The following SUGCT variants were observed in gnomAD, a reference collection of about 807,000 sequenced individuals.
The protein encoded by SUGCT is succinyl-CoA:glutarate CoA-transferase.
Under a neutral mutation model 55.0 loss-of-function variants are expected in SUGCT, and 41 were observed. The ratio of observed to expected loss-of-function variants is 0.74; its 90% CI spans 0.58 to 0.97. SUGCT has a LOEUF of 0.97. Among genes scored for constraint, SUGCT ranks in the 50% least tolerant of loss-of-function variants. The probability of loss-of-function intolerance (pLI) is 0.00; values close to 1 mark genes in which losing one functional copy is unlikely to be tolerated. For missense variants in SUGCT, 568 were observed against 547.8 expected (o/e 1.04, Z -0.37); for synonymous variants, 187 against 200.4 (o/e 0.93, Z 0.56).
chr7:40,774,792 A>AC (rs61094462), intron 13 of SUGCT, among the ~76,000 whole-genome samples: 1 of 146,342 alleles, frequency 6.8e-6, no homozygotes, highest in African/African-American at 2.5e-5. Flanking sequence ...AAAAAAAAAA[A>AC]CCCACAAATT....
intron 12 of SUGCT, among the ~76,000 whole-genome samples, chr7:40,747,786 T>C (rs1037254996): frequency 2.6e-5 from 4 of 152,098 alleles, no homozygotes; most frequent in Non-Finnish European, 4.4e-5. Context: ...CTCCAATTGT[T>C]TTTTTTTAAA....
chr7:40,845,967 G>C (rs934619250), intron 13 of SUGCT, among the ~76,000 whole-genome samples: 2 of 152,146 alleles, frequency 1.3e-5, no homozygotes, highest in Non-Finnish European at 2.9e-5. Flanking sequence ...CTCATTTGAG[G>C]TAAGAGCCAC....
chr7:40,872,354 G>A, the SUGCT span, among the ~76,000 whole-genome samples: 1 of 152,118 alleles, frequency 6.6e-6, no homozygotes, highest in Non-Finnish European at 1.5e-5. Flanking sequence ...CTGACTTCTT[G>A]TGAAATTCTT....
chr7:40,371,394 T>A (rs1300984981), intron 9 of SUGCT, among the ~76,000 whole-genome samples: 1 of 152,122 alleles, frequency 6.6e-6, no homozygotes, highest in Non-Finnish European at 1.5e-5. Context: ...TGGTGTCAGG[T>A]GAGGGAAGAG....
At chr7:40,214,421 G>A (rs1787508965) in intron 6 of SUGCT, among the ~76,000 whole-genome samples, 1 of 152,146 alleles carries the variant, frequency 6.6e-6, no homozygotes, top group African/African-American at 2.4e-5. Flanking sequence ...CCATGGGGTA[G>A]CTTCAATTAT....
At chr7:41,010,477 C>T in the SUGCT span, among the ~76,000 whole-genome samples, 104 of 152,324 alleles carry the variant, frequency 6.8e-4, no homozygotes, top group Middle Eastern at 3.4e-3. Context: ...GAACTTGTTC[C>T]TTCTCTGTAG....
At position 40,847,240 on chromosome 7, in the gene SUGCT, A is replaced by T. The variant is rs951920508; in HGVS notation, c.1154-13076A>T. Among the ~76,000 whole-genome samples, 4 of 135,718 alleles carry T rather than the reference A, an allele frequency of 2.9e-5. No individual in the cohort carries two copies. The South Asian group carries it at 9.9e-4, about 34-fold the overall frequency. The allele number at this position is 135,718 out of a possible 152,430, so 89.0% of individuals were successfully genotyped here. On this transcript the variant is annotated intron_variant, in intron 13 of 13. Transcript: ENST00000335693. ...CCAAATAACAGTGTCTTAAAACAAC[A>T]CAAATGTATTTCTTACACTACCTGT...
intron 9 of SUGCT, among the ~76,000 whole-genome samples, chr7:40,427,520 T>A (rs1286086743): frequency 6.6e-6 from 1 of 152,222 alleles, no homozygotes; most frequent in Non-Finnish European, 1.5e-5. Flanking sequence ...GTTGTCTTTA[T>A]GTTCCTTTGA....
At chr7:41,023,397 A>C in the SUGCT span, among the ~76,000 whole-genome samples, 1 of 152,204 alleles carries the variant, frequency 6.6e-6, no homozygotes, top group Admixed American at 6.5e-5. Flanking sequence ...TCATCAAAAG[A>C]AAAAACATAC....
chr7:40,755,838 A>T (rs1396498521), intron 13 of SUGCT, among the ~76,000 whole-genome samples: 1 of 152,150 alleles, frequency 6.6e-6, no homozygotes. Context: ...AAAGGATTCG[A>T]AATTGAATTG....
intron 9 of SUGCT, among the ~76,000 whole-genome samples, chr7:40,356,616 C>T (rs1797898822): frequency 6.6e-6 from 1 of 152,178 alleles, no homozygotes; most frequent in Non-Finnish European, 1.5e-5. Context: ...AGGCTCTGAA[C>T]ACCTTCCTCT....
chr7:40,322,459 A>G (rs958533186), intron 9 of SUGCT, among the ~76,000 whole-genome samples: 2 of 152,142 alleles, frequency 1.3e-5, no homozygotes, highest in African/African-American at 4.8e-5. Flanking sequence ...AGCTGATGTG[A>G]GGATCTAATA....
At chr7:40,715,083 A>C (rs1785950508) in intron 12 of SUGCT, among the ~76,000 whole-genome samples, 1 of 152,210 alleles carries the variant, frequency 6.6e-6, no homozygotes, top group South Asian at 2.1e-4. Flanking sequence ...AAAAATTGTA[A>C]GGGTGTGACT....
At chr7:40,639,543 A>G (rs1800173488) in intron 12 of SUGCT, among the ~76,000 whole-genome samples, 2 of 146,838 alleles carry the variant, frequency 1.4e-5, no homozygotes, top group African/African-American at 5.1e-5. Context: ...AGAAGGAGTC[A>G]TGCTCTTGTC....
At chr7:40,965,723 A>C in the SUGCT span, 1 of 152,248 alleles carries the variant, frequency 6.6e-6, no homozygotes, top group Non-Finnish European at 1.5e-5. Context: ...AAGACAAAAC[A>C]GACTATTTGG....
At chr7:40,354,391 G>T (rs559306737) in intron 9 of SUGCT, among the ~76,000 whole-genome samples, 4 of 152,162 alleles carry the variant, frequency 2.6e-5, no homozygotes, top group Admixed American at 6.5e-5. Flanking sequence ...AGAAGGAAAT[G>T]TACTTCCTGG....
At chr7:40,320,495 A>T (rs2151119583) in intron 9 of SUGCT, among the ~76,000 whole-genome samples, 1 of 152,326 alleles carries the variant, frequency 6.6e-6, no homozygotes, top group East Asian at 1.9e-4. Context: ...GAGAAAGCAG[A>T]TAGCTGGTCT....
At chr7:41,024,886 TC>T in the SUGCT span, among the ~76,000 whole-genome samples, 1 of 152,136 alleles carries the variant, frequency 6.6e-6, no homozygotes, top group Non-Finnish European at 1.5e-5. Context: ...TGCACATTGT[TC>T]GTTAAAAAAT....
At chr7:40,641,836 T>G (rs922395136) in intron 12 of SUGCT, among the ~76,000 whole-genome samples, 1 of 152,238 alleles carries the variant, frequency 6.6e-6, no homozygotes, top group Non-Finnish European at 1.5e-5. Flanking sequence ...CACATCCATG[T>G]CAATATCACA....
Sources: gnomAD v4.1 joint callset for allele counts (sites outside exome capture counted in the v4.1 genomes callset) on GRCh38, gnomAD v4.1.1 for gene constraint, MANE v1.5 for transcripts, NCBI Gene and HGNC (gene_info 2026-07-23, HGNC 2026-07-21) for gene names.